The following SGPP2 variants were observed in gnomAD, a reference collection of about 807,000 sequenced individuals.
The protein encoded by SGPP2 is sphingosine 1-phosphate phosphohydrolase 2.
A neutral mutation model predicts 33.9 loss-of-function variants in SGPP2; 30 were observed. The ratio of observed to expected loss-of-function variants is 0.89; its 90% CI spans 0.66 to 1.20. The LOEUF is 1.20. Ranked by LOEUF, SGPP2 falls within the 50% of genes most tolerant of loss-of-function variation. The pLI is 0.00. For synonymous variants in SGPP2, 233 were observed against 225.0 expected (o/e 1.04, Z -0.32); for missense variants, 458 against 532.1 (o/e 0.86, Z 1.37).
At chr2:222,462,950 C>A (rs895345232) in intron 1 of SGPP2, among the ~76,000 whole-genome samples, 1 of 152,140 alleles carries the variant, frequency 6.6e-6, no homozygotes, top group African/African-American at 2.4e-5. Context: ...AATGTTCTTT[C>A]ATGTGTATGC....
intron 2 of SGPP2, among the ~76,000 whole-genome samples, chr2:222,512,872 A>G (rs1323602082): frequency 1.3e-5 from 2 of 152,170 alleles, no homozygotes; most frequent in Non-Finnish European, 2.9e-5. Context: ...TTATTCATTT[A>G]CCTACTGAAG....
rs186003650 is a variant in SGPP2 at position 222,517,379 on chromosome 2, A to C, written c.379-4388A>C. Among the ~76,000 whole-genome samples, 4 of 152,312 alleles carry C rather than the reference A, an allele frequency of 2.6e-5. No homozygotes were observed. In the East Asian group the frequency reaches 7.7e-4, roughly 29 times the overall value. ...GGAGAGGAAGAACATCTGAACATCGAGAGGAGTTCCGCTGGGGACAGTCGG... is the reference window on the plus strand; with the variant it reads ...GGAGAGGAAGAACATCTGAACATCGCGAGGAGTTCCGCTGGGGACAGTCGG... On this transcript the variant is annotated intron_variant, in intron 2 of 4. Transcript: ENST00000321276.
intron 1 of SGPP2, among the ~76,000 whole-genome samples, chr2:222,438,139 A>AT (rs1697272331): frequency 6.6e-6 from 1 of 152,194 alleles, no homozygotes; most frequent in Non-Finnish European, 1.5e-5. Flanking sequence ...CCCATTAGGC[A>AT]TTGTGCCTCT....
At chr2:222,543,954 T>A (rs1689134144) in intron 4 of SGPP2, among the ~76,000 whole-genome samples, 1 of 152,250 alleles carries the variant, frequency 6.6e-6, no homozygotes, top group Admixed American at 6.5e-5. Flanking sequence ...ACTATTCCAA[T>A]ATATGGGCAT....
chr2:222,553,177 G>A (rs1289092739), intron 4 of SGPP2, among the ~76,000 whole-genome samples: 2 of 152,240 alleles, frequency 1.3e-5, no homozygotes. Context: ...AGTTCAGGGA[G>A]AAAGCGAGAG....
intron 2 of SGPP2, among the ~76,000 whole-genome samples, chr2:222,487,228 A>G (rs1204321901): frequency 6.6e-6 from 1 of 152,186 alleles, no homozygotes; most frequent in Admixed American, 6.5e-5. Context: ...TCCAAGTGAA[A>G]ATTGCTCAGC....
intron 1 of SGPP2, among the ~76,000 whole-genome samples, chr2:222,438,452 C>T (rs371158107): frequency 6.6e-6 from 1 of 152,148 alleles, no homozygotes; most frequent in African/African-American, 2.4e-5. Context: ...GACACAAAGC[C>T]GGAGAGTTGA....
At chr2:222,525,380 G>C (rs1024562334) in intron 4 of SGPP2, among the ~76,000 whole-genome samples, 1 of 152,136 alleles carries the variant, frequency 6.6e-6, no homozygotes, top group Admixed American at 6.5e-5. Flanking sequence ...GTGAGTAGAT[G>C]CAGTTCCCCA....
chr2:222,547,738 C>T (rs750764925), intron 4 of SGPP2, among the ~76,000 whole-genome samples: 8 of 152,106 alleles, frequency 5.3e-5, no homozygotes, highest in Non-Finnish European at 8.8e-5. Context: ...ATTGTTTTTA[C>T]ATGCAATATC....
At chr2:222,473,727 C>T (rs949759998) in intron 1 of SGPP2, among the ~76,000 whole-genome samples, 18 of 152,044 alleles carry the variant, frequency 1.2e-4, no homozygotes, top group African/African-American at 3.1e-4. Flanking sequence ...GAGTTTGAGA[C>T]GAGCCTGACC....
rs369944109 is a variant in SGPP2, at chr2:222,476,941, GTGTA to G, written c.378+2229_378+2232del. On this transcript the variant is annotated intron_variant, in intron 2 of 4. Transcript: ENST00000321276. The surrounding 1 kb of genome is among the most constrained non-coding windows in gnomAD (Gnocchi z 4.3). ...TATATGTGTATTGGAGTATATAGGT[GTGTA>G]TGTATGTATGTATAGTGTGTATATG... is the stretch of plus-strand genomic sequence containing the variant. Among the ~76,000 whole-genome samples, 1,858 of 151,474 alleles carry G rather than the reference GTGTA, an allele frequency of 0.012. 36 individuals carry two copies. Among genetic ancestry groups the G allele is most frequent in the African/African-American group, 0.042 (1,737 of 41,244 alleles).
intron 4 of SGPP2, among the ~76,000 whole-genome samples, chr2:222,549,722 A>T (rs1256928476): frequency 6.6e-6 from 1 of 152,194 alleles, no homozygotes; most frequent in Non-Finnish European, 1.5e-5. Context: ...GGAAAATGTT[A>T]GTTTTGTGTA....
Position 222,562,345 on chromosome 2 carries a change from C to T in SGPP2, c.*3447C>T, listed in dbSNP as rs554484142. ...TCACAAGATATTCAGAAGATGAAAA[C>T]GTAGAAGACACCCCTGAATTAAAAA... On this transcript the variant is annotated 3_prime_UTR_variant, in exon 5 of 5. Transcript: ENST00000321276. 2.4e-4 allele frequency among the ~76,000 whole-genome samples: 37 copies of T among 152,260 alleles called. No homozygotes were observed. Among genetic ancestry groups the T allele is most frequent in the African/African-American group, 3.9e-4 (16 of 41,554 alleles).
chr2:222,521,008 C>T (rs991619980), intron 2 of SGPP2, among the ~76,000 whole-genome samples: 1 of 152,218 alleles, frequency 6.6e-6, no homozygotes, highest in African/African-American at 2.4e-5. Context: ...CGTCCTCCCG[C>T]CTTGGCCTCC....
At chr2:222,528,304 G>A (rs909080095) in intron 4 of SGPP2, among the ~76,000 whole-genome samples, 3 of 152,046 alleles carry the variant, frequency 2.0e-5, no homozygotes, top group African/African-American at 7.2e-5. Flanking sequence ...AGCGGGTTCA[G>A]TTCCAAACCA....
chr2:222,537,739 T>TA (rs1313430839), intron 4 of SGPP2, among the ~76,000 whole-genome samples: 1 of 152,204 alleles, frequency 6.6e-6, no homozygotes, highest in African/African-American at 2.4e-5. Flanking sequence ...TACAGACACT[T>TA]AAATGAAGTT....
At chr2:222,474,542 A>G in intron 1 of SGPP2, 26 bp from the exon 2 acceptor site, 1 of 1,607,680 alleles carries the variant, frequency 6.2e-7, no homozygotes, top group African/African-American at 1.3e-5. Flanking sequence ...ATGAACTCAC[A>G]GAGTCTTCTA....
intron 1 of SGPP2, among the ~76,000 whole-genome samples, chr2:222,451,305 T>G (rs1332682516): frequency 6.6e-6 from 1 of 152,244 alleles, no homozygotes; most frequent in Non-Finnish European, 1.5e-5. Context: ...AGTTTCTTCA[T>G]GTGACCTAAA....
intron 2 of SGPP2, among the ~76,000 whole-genome samples, chr2:222,502,453 T>G (rs1184916938): frequency 3.9e-5 from 6 of 152,236 alleles, no homozygotes; most frequent in African/African-American, 1.4e-4. Flanking sequence ...GATTTCAGAT[T>G]TTTTCAGATT....
Sources: gnomAD v4.1 joint callset for allele counts (sites outside exome capture counted in the v4.1 genomes callset) on GRCh38, gnomAD v4.1.1 for gene constraint, Gnocchi (gnomAD v3.1) non-coding constraint, MANE v1.5 for transcripts, NCBI Gene and HGNC (gene_info 2026-07-23, HGNC 2026-07-21) for gene names.